FOXP2: variants seen among roughly 807,000 people sequenced by gnomAD.
The protein encoded by FOXP2 is forkhead box P2, also known as forkhead box protein P2.
A neutral mutation model predicts 115.8 loss-of-function variants in FOXP2; 12 were observed. The ratio of observed to expected loss-of-function variants is 0.10; its 90% confidence interval spans 0.07 to 0.17. The LOEUF is 0.17. Among genes scored for constraint, FOXP2 ranks in the 10% least tolerant of loss-of-function variants. The pLI, the probability that FOXP2 is intolerant of heterozygous loss-of-function variation, is 1.00. For synonymous variants in FOXP2, 328 were observed against 297.7 expected, an observed-to-expected ratio of 1.10 and a Z score of -1.05; for missense variants, 629 against 843.5, an observed-to-expected ratio of 0.75 and a Z score of 3.15.
intron 2 of FOXP2, among the ~76,000 whole-genome samples, chr7:114,323,304 G>A (rs1278237362): frequency 2.0e-5 from 3 of 152,080 alleles, no homozygotes; most frequent in Non-Finnish European, 2.9e-5. Flanking sequence ...ACTAAAATCA[G>A]CACAGCAGTA....
chr7:114,497,780 A>G (rs1797389232), intron 2 of FOXP2, among the ~76,000 whole-genome samples: 1 of 152,164 alleles, frequency 6.6e-6, no homozygotes, highest in Admixed American at 6.5e-5. Flanking sequence ...CATGCTTTAA[A>G]GTATATTTTC....
intron 2 of FOXP2, among the ~76,000 whole-genome samples, chr7:114,401,787 A>G (rs968265743): frequency 1.3e-5 from 2 of 152,206 alleles, no homozygotes; most frequent in Admixed American, 1.3e-4. Context: ...AGAATATTAT[A>G]TACAGCTTAG....
intron 1 of FOXP2, among the ~76,000 whole-genome samples, chr7:114,090,716 T>G (rs1346734791): frequency 6.6e-6 from 1 of 151,858 alleles, no homozygotes; most frequent in Non-Finnish European, 1.5e-5. Context: ...GAAATAAACA[T>G]TTTCTTAGGT....
At chr7:114,352,163 A>C (rs1362313489) in intron 2 of FOXP2, among the ~76,000 whole-genome samples, 3 of 151,970 alleles carry the variant, frequency 2.0e-5, no homozygotes, top group Admixed American at 2.0e-4. Context: ...GCTACCTGGG[A>C]GGCTAAGGTG....
At chr7:114,439,496 C>CAAAT in intron 2 of FOXP2, among the ~76,000 whole-genome samples, 1 of 152,006 alleles carries the variant, frequency 6.6e-6, no homozygotes. Context: ...CAAATATAAA[C>CAAAT]GTGGTATTAT....
At chr7:114,234,502 T>C (rs2129166435) in intron 1 of FOXP2, among the ~76,000 whole-genome samples, 1 of 152,360 alleles carries the variant, frequency 6.6e-6, no homozygotes, top group East Asian at 1.9e-4. Context: ...CAATATAGCT[T>C]CTGTAAACTG....
chr7:114,558,392 C>T (rs765136881), intron 3 of FOXP2, among the ~76,000 whole-genome samples: 6 of 152,130 alleles, frequency 3.9e-5, no homozygotes, highest in Non-Finnish European at 5.9e-5. Context: ...TTTCATTTAT[C>T]CTCCAAGAGA....
intron 2 of FOXP2, among the ~76,000 whole-genome samples, chr7:114,323,285 C>T (rs1390235988): frequency 6.6e-6 from 1 of 152,072 alleles, no homozygotes; most frequent in Non-Finnish European, 1.5e-5. Flanking sequence ...TTGAGTTTAT[C>T]TGCCCCAGAC....
intron 1 of FOXP2, among the ~76,000 whole-genome samples, chr7:114,258,627 C>A (rs1795676236): frequency 6.6e-6 from 1 of 152,164 alleles, no homozygotes; most frequent in African/African-American, 2.4e-5. Context: ...CATAACTATT[C>A]ATTTTACTGG....
intron 2 of FOXP2, among the ~76,000 whole-genome samples, chr7:114,373,147 C>T (rs930132245): frequency 1.3e-5 from 2 of 152,038 alleles, no homozygotes; most frequent in African/African-American, 2.4e-5. Context: ...CGCCAGCCAC[C>T]ACGCCAGGCT....
chr7:114,214,803 G>T (rs1362346265), intron 1 of FOXP2, among the ~76,000 whole-genome samples: 1 of 152,120 alleles, frequency 6.6e-6, no homozygotes, highest in Non-Finnish European at 1.5e-5. Flanking sequence ...CATTTTGTTA[G>T]TTTCCTAGGG....
chr7:114,630,100 T>G, intron 5 of FOXP2, 95 bp downstream of exon 5: 1 of 1,594,198 alleles, frequency 6.3e-7, no homozygotes, highest in Non-Finnish European at 8.5e-7. Context: ...ATAACAAGGC[T>G]CTTGCTGTCA....
At chr7:114,675,132 T>C (rs1807688422) in intron 16 of FOXP2, among the ~76,000 whole-genome samples, 1 of 152,120 alleles carries the variant, frequency 6.6e-6, no homozygotes, top group Non-Finnish European at 1.5e-5. Context: ...TTCACACAAA[T>C]GGAGATAACT....
chr7:114,182,790 T>G (rs1428701715), intron 1 of FOXP2, among the ~76,000 whole-genome samples: 1 of 152,112 alleles, frequency 6.6e-6, no homozygotes, highest in African/African-American at 2.4e-5. Context: ...ATTATTATAC[T>G]ACTAAAACAA....
intron 2 of FOXP2, among the ~76,000 whole-genome samples, chr7:114,357,511 C>A (rs955995019): frequency 6.6e-6 from 1 of 152,106 alleles, no homozygotes; most frequent in Non-Finnish European, 1.5e-5. Flanking sequence ...AAGGCTAATC[C>A]TAAGGCTGTC....
intron 1 of FOXP2, among the ~76,000 whole-genome samples, chr7:114,163,467 A>G (rs536403885): frequency 8.5e-5 from 13 of 152,208 alleles, no homozygotes; most frequent in African/African-American, 2.9e-4. Context: ...ATATCTGAGA[A>G]TAAGACTATC....
intron 1 of FOXP2, among the ~76,000 whole-genome samples, chr7:114,095,210 G>A (rs1799620505): frequency 6.6e-6 from 1 of 152,134 alleles, no homozygotes; most frequent in South Asian, 2.1e-4. Flanking sequence ...ATGATATTGG[G>A]TGAGTCATTT....
At chr7:114,501,680 G>T (rs1040910431) in intron 2 of FOXP2, among the ~76,000 whole-genome samples, 1 of 151,966 alleles carries the variant, frequency 6.6e-6, no homozygotes, top group Non-Finnish European at 1.5e-5. Flanking sequence ...TTACATTTAA[G>T]TGTTAAAGTA....
At chr7:114,661,880 C>T (rs963281121) in intron 13 of FOXP2, 185 bp from the exon 14 acceptor site, 2 of 671,102 alleles carry the variant, frequency 3.0e-6, no homozygotes, top group Non-Finnish European at 4.9e-6. Context: ...TCACAAAGTT[C>T]AAACTGCAGA....
Sources: gnomAD v4.1 joint callset for allele counts (sites outside exome capture counted in the v4.1 genomes callset) on GRCh38, gnomAD v4.1.1 for gene constraint, MANE v1.5 for transcripts, NCBI Gene and HGNC (gene_info 2026-07-23, HGNC 2026-07-21) for gene names.